Variants in BIN1 observed in about 807,000 individuals in gnomAD.
The protein encoded by BIN1 is bridging integrator 1, also known as myc box-dependent-interacting protein 1.
In BIN1, 53 loss-of-function variants were observed where a neutral mutation model predicts 82.0. That is an observed-to-expected ratio of 0.65 (90% CI 0.52 to 0.81). The LOEUF is 0.81. Among genes scored for constraint, BIN1 ranks in the 40% least tolerant of loss-of-function variants. BIN1 has a pLI of 0.00. For synonymous variants in BIN1, 302 were observed against 328.0 expected (o/e 0.92, Z 0.86); for missense variants, 642 against 784.4 (o/e 0.82, Z 2.17).
chr2:127,085,112 C>CA, intron 1 of BIN1, among the ~76,000 whole-genome samples: 1 of 152,060 alleles, frequency 6.6e-6, no homozygotes, highest in East Asian at 1.9e-4. Context: ...CAGCCAAGGA[C>CA]AGAGGGGCTA....
intron 1 of BIN1, among the ~76,000 whole-genome samples, chr2:127,105,630 G>A (rs2105369219): frequency 6.6e-6 from 1 of 152,298 alleles, no homozygotes; most frequent in Middle Eastern, 3.4e-3. Context: ...AGGACTCTGA[G>A]GGAGGTATGG....
At position 127,082,884 on chromosome 2, in the gene BIN1, C is replaced by T. The variant is rs1687477409; in HGVS notation, c.85-6178G>A. Among the ~76,000 whole-genome samples the T allele has an allele frequency of 6.6e-6, 1 of 151,764 alleles. No homozygotes were observed. Among genetic ancestry groups the T allele is most frequent in the Non-Finnish European group, 1.5e-5 (1 of 67,926 alleles). On this transcript the variant is annotated intron_variant, in intron 1 of 18. Coordinates refer to ENST00000316724, the MANE Select transcript of BIN1 (RefSeq NM_139343.3). The surrounding 1 kb of genome is among the most constrained non-coding windows in gnomAD (Gnocchi z 6.1). ...ATGCAGGAGGCCACAGCAGCCCTGA[C>T]GAGAGAGCAGAGGGAGGAAAAGAGG...
At chr2:127,083,250 T>G (rs540278588) in intron 1 of BIN1, among the ~76,000 whole-genome samples, 29 of 152,118 alleles carry the variant, frequency 1.9e-4, no homozygotes, top group African/African-American at 7.0e-4. Context: ...TAGCTAGTAT[T>G]TTTACTTTTT....
intron 1 of BIN1, among the ~76,000 whole-genome samples, chr2:127,079,655 C>T (rs1687049961): frequency 6.6e-6 from 1 of 152,234 alleles, no homozygotes; most frequent in East Asian, 1.9e-4. Context: ...ATGTGATGTG[C>T]CTGTGTGCCT....
At position 127,107,038 on chromosome 2, in the gene BIN1, G is replaced by T; in HGVS notation, c.-95C>A. On this transcript the variant is annotated 5_prime_UTR_variant, in exon 1 of 19. It adds an upstream start codon to the 5' untranslated region. Transcript: ENST00000316724. This position sits in a 1 kb window ranked among gnomAD's most constrained non-coding sequence, Gnocchi z 5.9. Reference sequence around the variant, plus strand: ...GCCCCCAGCCCCGGCCGCGCGTCCAGACCGGCTGCCGCTCCACGCCGCGCA... The same window carrying T: ...GCCCCCAGCCCCGGCCGCGCGTCCATACCGGCTGCCGCTCCACGCCGCGCA... 4 of 1,265,408 alleles carry T rather than the reference G, an allele frequency of 3.2e-6. No individual in the cohort carries two copies. Among genetic ancestry groups the T allele is most frequent in the Non-Finnish European group, 4.1e-6 (4 of 978,564 alleles). The allele number at this position is 1,265,408 out of a possible 1,614,324, so 78.4% of individuals were successfully genotyped here.
In BIN1 at chr2:127,107,120, C is replaced by T. The variant is rs922375958; in HGVS notation, c.-177G>A. ...GCGTGCGCCGGACGGGCGAGCGAGC[C>T]AGCGAGCTAGCCAGCGAGCGACGCG... On this transcript the variant is annotated 5_prime_UTR_variant, in exon 1 of 19. Transcript: ENST00000316724. The surrounding 1 kb of genome is among the most constrained non-coding windows in gnomAD (Gnocchi z 5.9). 1.1e-5 allele frequency: 7 copies of T among 637,636 alleles called. No homozygotes were observed. Among genetic ancestry groups the T allele is most frequent in the Non-Finnish European group, 1.4e-5 (6 of 436,822 alleles). The allele number at this position is 637,636 out of a possible 1,614,324, so 39.5% of individuals were successfully genotyped here.
In BIN1 at chr2:127,050,742, G is replaced by C; in HGVS notation, c.1572+60C>G. 5 of 1,559,144 alleles carry C rather than the reference G, an allele frequency of 3.2e-6. No individual in the cohort carries two copies. In the South Asian group the frequency reaches 5.6e-5, roughly 17 times the overall value. On this transcript the variant is annotated intron_variant, in intron 17 of 18. Transcript: ENST00000316724. Reference sequence around the variant, plus strand: ...AACCACAGAGTCTCCTGAGGCTCAGGGTTCTCATCTGCCCACCAGGGCACC... The same window carrying C: ...AACCACAGAGTCTCCTGAGGCTCAGCGTTCTCATCTGCCCACCAGGGCACC...
At chr2:127,069,660 G>A (rs1685609214) in intron 5 of BIN1, among the ~76,000 whole-genome samples, 1 of 151,836 alleles carries the variant, frequency 6.6e-6, no homozygotes, top group Non-Finnish European at 1.5e-5. Flanking sequence ...GGGACCTGCA[G>A]GCACACACAT....
In BIN1 at chr2:127,050,469, C is replaced by CT; in HGVS notation, c.1625dup (p.Ala543GlyfsTer3). On this transcript the variant is annotated frameshift_variant, in exon 18 of 19. Coordinates refer to ENST00000316724, the MANE Select transcript of BIN1 (RefSeq NM_139343.3). LOFTEE classifies it high-confidence loss of function. ...GGATCACCAGCACCACATCACCAGCCTTGAGCTGCAGCTCGTCTGTGTCAG... is the reference window on the plus strand; with the variant it reads ...GGATCACCAGCACCACATCACCAGCCTTTGAGCTGCAGCTCGTCTGTGTCAG... 6.2e-7 allele frequency: 1 copy of CT among 1,614,246 alleles called. No individual in the cohort carries two copies. The highest frequency in any genetic ancestry group is 8.5e-7 in the Non-Finnish European group (1 of 1,180,042).
In BIN1 at chr2:127,082,951, T is replaced by C. The variant is rs909914293; in HGVS notation, c.85-6245A>G. Among the ~76,000 whole-genome samples, 1 of 151,902 alleles carries C rather than the reference T, an allele frequency of 6.6e-6. No homozygotes were observed. The highest frequency in any genetic ancestry group is 6.6e-5 in the Admixed American group (1 of 15,260). ...CACCTCCACATTTCATGTGGCCCTC[T>C]CACCTCCTTATTTTCAAAGTATAAA... On this transcript the variant is annotated intron_variant, in intron 1 of 18. Coordinates refer to ENST00000316724, the MANE Select transcript of BIN1 (RefSeq NM_139343.3). The surrounding 1 kb of genome is among the most constrained non-coding windows in gnomAD (Gnocchi z 6.1).
intron 1 of BIN1, among the ~76,000 whole-genome samples, chr2:127,105,446 A>C: frequency 7.3e-6 from 1 of 136,170 alleles, no homozygotes; most frequent in Non-Finnish European, 1.6e-5. Context: ...GCCCCCAGCC[A>C]GCTATTCCTG....
At chr2:127,051,898 C>A (rs1683005601) in intron 15 of BIN1, among the ~76,000 whole-genome samples, 2 of 152,254 alleles carry the variant, frequency 1.3e-5, no homozygotes, top group Non-Finnish European at 2.9e-5. Flanking sequence ...TAGCCCCCAT[C>A]TCCTCATCTG....
intron 2 of BIN1, among the ~76,000 whole-genome samples, 160 bp from the exon 3 acceptor site, chr2:127,070,976 C>A (rs1685816148): frequency 6.6e-6 from 1 of 152,134 alleles, no homozygotes; most frequent in African/African-American, 2.4e-5. Context: ...CGGTCACCAC[C>A]CCTGCCTCAG....
chr2:127,056,350 G>C (rs1356834510), intron 12 of BIN1: 1 of 152,504 alleles, frequency 6.6e-6, no homozygotes, highest in Non-Finnish European at 1.5e-5. Flanking sequence ...ACAGAGAGGG[G>C]CTCCCGCGCC....
intron 1 of BIN1, among the ~76,000 whole-genome samples, chr2:127,092,442 GGTAACAGGA>G (rs1403738220): frequency 6.6e-6 from 1 of 152,174 alleles, no homozygotes; most frequent in Non-Finnish European, 1.5e-5. Flanking sequence ...CTTAGAGGGA[GGTAACAGGA>G]GCAACAGGGC....
intron 14 of BIN1, 35 bp from the exon 15 acceptor site, chr2:127,052,397 G>A (rs1445421727): frequency 2.6e-6 from 4 of 1,541,088 alleles, no homozygotes; most frequent in Non-Finnish European, 3.5e-6. Flanking sequence ...ACAGGGAGGG[G>A]GCGGGGAGGC....
chr2:127,084,957 C>T (rs1677935588), intron 1 of BIN1, among the ~76,000 whole-genome samples: 1 of 152,202 alleles, frequency 6.6e-6, no homozygotes, highest in African/African-American at 2.4e-5. Context: ...CGTACAGAGG[C>T]GTCTTCAGAG....
In BIN1 at chr2:127,068,078, C is replaced by T; in HGVS notation, c.612+85G>A. On this transcript the variant is annotated intron_variant, in intron 7 of 18. Coordinates refer to ENST00000316724, the MANE Select transcript of BIN1 (RefSeq NM_139343.3). This position sits in a 1 kb window ranked among gnomAD's most constrained non-coding sequence, Gnocchi z 4.9. ...CCCTGCCCCAGCTGGGCTCAGATGCCAGCCCTGCATTCCACCGCAGGGCGA... is the reference window on the plus strand; with the variant it reads ...CCCTGCCCCAGCTGGGCTCAGATGCTAGCCCTGCATTCCACCGCAGGGCGA... 1 of 1,373,914 alleles carries T rather than the reference C, an allele frequency of 7.3e-7. No homozygotes were observed. Among genetic ancestry groups the T allele is most frequent in the East Asian group, 2.5e-5 (1 of 40,534 alleles). 85.1% of individuals were successfully genotyped at this position (1,373,914 alleles called of 1,614,324 possible).
chr2:127,095,797 T>C (rs1244425622), intron 1 of BIN1, among the ~76,000 whole-genome samples: 1 of 152,138 alleles, frequency 6.6e-6, no homozygotes, highest in African/African-American at 2.4e-5. Flanking sequence ...GAGAAACAAA[T>C]GGAAAGCGGC....
Sources: gnomAD v4.1 joint callset for allele counts (sites outside exome capture counted in the v4.1 genomes callset) on GRCh38, gnomAD v4.1.1 for gene constraint, Gnocchi (gnomAD v3.1) non-coding constraint, MANE v1.5 for transcripts, NCBI Gene and HGNC (gene_info 2026-07-23, HGNC 2026-07-21) for gene names.